PLAC8: variants seen among roughly 807,000 people sequenced by gnomAD.
The protein encoded by PLAC8 is placenta-specific gene 8 protein.
PLAC8 carries 6 observed loss-of-function variants against 12.6 expected under a neutral mutation model. That is an observed-to-expected ratio of 0.48 (90% CI 0.26 to 0.94). PLAC8 has a LOEUF of 0.94. Among genes scored for constraint, PLAC8 ranks in the 40% least tolerant of loss-of-function variants. The probability of loss-of-function intolerance (pLI) is 0.14; values close to 1 mark genes in which losing one functional copy is unlikely to be tolerated. For missense variants in PLAC8, 122 were observed against 152.7 expected (o/e 0.80, Z 1.06); for synonymous variants, 54 against 52.6 (o/e 1.03, Z -0.11).
At chr4:83,112,964 G>T (rs1260279575) in intron 1 of PLAC8, among the ~76,000 whole-genome samples, 2 of 152,190 alleles carry the variant, frequency 1.3e-5, no homozygotes, top group Non-Finnish European at 2.9e-5. Context: ...GGTCCTCAAA[G>T]CTTACTATTA....
chr4:83,102,292 G>A (rs1237259153), intron 3 of PLAC8, among the ~76,000 whole-genome samples: 1 of 152,140 alleles, frequency 6.6e-6, no homozygotes, highest in Non-Finnish European at 1.5e-5. Context: ...AGCACTTAGG[G>A]AGGCCAAGGC....
intron 3 of PLAC8, among the ~76,000 whole-genome samples, chr4:83,101,189 C>T (rs943343427): frequency 1.3e-5 from 2 of 152,190 alleles, no homozygotes; most frequent in East Asian, 3.9e-4. Context: ...ACCATCCTGA[C>T]CAACATGGTG....
In PLAC8 at chr4:83,090,351, A is replaced by C. The variant is rs900167444; in HGVS notation, c.*630T>G. The C allele has an allele frequency of 7.2e-5, 11 of 152,122 alleles. No homozygotes were observed. Among genetic ancestry groups the C allele is most frequent in the African/African-American group, 2.2e-4 (9 of 41,484 alleles). The allele number at this position is 152,122 out of a possible 1,614,324, so 9.4% of individuals were successfully genotyped here. A position where few individuals can be genotyped will look rare whatever the true frequency, so the allele number is the denominator to read the frequency against. On this transcript the variant is annotated 3_prime_UTR_variant, in exon 5 of 5. Coordinates refer to ENST00000311507, the MANE Select transcript of PLAC8 (RefSeq NM_016619.3). Reference sequence around the variant, plus strand: ...GAGACCAGCCTGACCAAGATGGTGAAACCCCGTCTCTACTAAAAATACAAA... The same window carrying C: ...GAGACCAGCCTGACCAAGATGGTGACACCCCGTCTCTACTAAAAATACAAA...
intron 2 of PLAC8, among the ~76,000 whole-genome samples, chr4:83,106,045 C>T (rs9683852): frequency 6.6e-6 from 1 of 151,740 alleles, no homozygotes; most frequent in African/African-American, 2.4e-5. Context: ...TGAGATGCAG[C>T]CTCGAGTGCA....
chr4:83,112,204 GTA>G (rs754066888), intron 1 of PLAC8, among the ~76,000 whole-genome samples: 11 of 128,688 alleles, frequency 8.5e-5, no homozygotes, highest in Non-Finnish European at 1.2e-4. Flanking sequence ...ATATATATAT[GTA>G]TATATATATA....
intron 3 of PLAC8, among the ~76,000 whole-genome samples, chr4:83,103,084 TA>T (rs34047201): frequency 1.1e-3 from 138 of 125,604 alleles, no homozygotes; most frequent in Middle Eastern, 4.9e-3. Flanking sequence ...AGACTCCCTT[TA>T]AAAAAAAAAA....
At chr4:83,102,363 T>A (rs903064386) in intron 3 of PLAC8, among the ~76,000 whole-genome samples, 7 of 151,906 alleles carry the variant, frequency 4.6e-5, no homozygotes, top group African/African-American at 1.7e-4. Context: ...TAAAAACCCA[T>A]CTCTACCAAA....
chr4:83,091,153 G>C lies in PLAC8; in HGVS notation c.*10-182C>G, dbSNP rs1034777289. Reference sequence around the variant, plus strand: ...CATCTTACATTACCATGGGAGGTTTGTCAAAACTAATGAACCCATACTGAT... The same window carrying C: ...CATCTTACATTACCATGGGAGGTTTCTCAAAACTAATGAACCCATACTGAT... On this transcript the variant is annotated intron_variant, in intron 4 of 4. Transcript: ENST00000311507. 2.0e-5 allele frequency among the ~76,000 whole-genome samples: 3 copies of C among 152,264 alleles called. No homozygotes were observed. The East Asian group carries it at 5.8e-4, about 29-fold the overall frequency.
chr4:83,102,312 A>G (rs1367327312), intron 3 of PLAC8, among the ~76,000 whole-genome samples: 1 of 152,128 alleles, frequency 6.6e-6, no homozygotes, highest in Non-Finnish European at 1.5e-5. Context: ...CAGGCGGATC[A>G]CTTGAGGTCA....
Position 83,099,318 on chromosome 4 carries a change from T to C in PLAC8, c.244-4527A>G, listed in dbSNP as rs184470237. ...AATCTTGGCTCACTGCATTTACAAATTGAAGGTTTGTGGCAACCCTGCATC... is the reference window on the plus strand; with the variant it reads ...AATCTTGGCTCACTGCATTTACAAACTGAAGGTTTGTGGCAACCCTGCATC... On this transcript the variant is annotated intron_variant, in intron 3 of 4. Coordinates refer to ENST00000311507, the MANE Select transcript of PLAC8 (RefSeq NM_016619.3). 3.9e-5 allele frequency among the ~76,000 whole-genome samples: 6 copies of C among 152,182 alleles called. No homozygotes were observed. The East Asian group carries it at 7.7e-4, about 20-fold the overall frequency.
intron 2 of PLAC8, among the ~76,000 whole-genome samples, chr4:83,105,943 T>TA (rs1341320217): frequency 6.6e-6 from 1 of 152,202 alleles, no homozygotes; most frequent in Non-Finnish European, 1.5e-5. Context: ...ATTGTTTCAT[T>TA]CCCTAGGTAA....
chr4:83,105,117 G>A (rs1560455619), intron 2 of PLAC8, 97 bp from the exon 3 acceptor site: 17 of 1,401,510 alleles, frequency 1.2e-5, no homozygotes, highest in Non-Finnish European at 1.7e-5. Context: ...CGAGTCATGG[G>A]GCCTTGGCCG....
In PLAC8 at chr4:83,090,534, A is replaced by AAG. The variant is rs1428608828; in HGVS notation, c.*446_*447insCT. The AAG allele has an allele frequency of 6.7e-6, 1 of 148,290 alleles. No homozygotes were observed. The highest frequency in any genetic ancestry group is 1.5e-5 in the Non-Finnish European group (1 of 67,250). The allele number at this position is 148,290 out of a possible 1,614,324, so 9.2% of individuals were successfully genotyped here. A position where few individuals can be genotyped will look rare whatever the true frequency, so the allele number is the denominator to read the frequency against. ...CAGAGCGAGACTCTATCTCAAAAAA[A>AAG]AAAAAAAAAAAAGAAAGAAAGATCC... On this transcript the variant is annotated 3_prime_UTR_variant, in exon 5 of 5. Coordinates refer to ENST00000311507, the MANE Select transcript of PLAC8 (RefSeq NM_016619.3).
At chr4:83,107,767 G>A (rs771177757) in intron 2 of PLAC8, 37 bp downstream of exon 2, 2 of 1,260,046 alleles carry the variant, frequency 1.6e-6, no homozygotes, top group East Asian at 5.2e-5. Flanking sequence ...AATTCACCTC[G>A]GTATCAAATA....
chr4:83,113,143 C>T (rs894907810), intron 1 of PLAC8, among the ~76,000 whole-genome samples: 3 of 152,202 alleles, frequency 2.0e-5, no homozygotes, highest in Admixed American at 6.5e-5. Context: ...AAGTCTGTAA[C>T]GTGCACCCGC....
At chr4:83,113,608 A>G (rs1007347132) in intron 1 of PLAC8, among the ~76,000 whole-genome samples, 1 of 152,158 alleles carries the variant, frequency 6.6e-6, no homozygotes, top group African/African-American at 2.4e-5. Flanking sequence ...TGGTGTGACC[A>G]CACAGCTGTT....
chr4:83,109,525 T>G (rs1378851134), intron 1 of PLAC8, among the ~76,000 whole-genome samples: 1 of 152,114 alleles, frequency 6.6e-6, no homozygotes, highest in Non-Finnish European at 1.5e-5. Context: ...GATGTGTACG[T>G]GGCGGTGGAG....
chr4:83,113,152 G>T (rs546080851), intron 1 of PLAC8, among the ~76,000 whole-genome samples: 4 of 152,216 alleles, frequency 2.6e-5, no homozygotes, highest in African/African-American at 7.2e-5. Context: ...ACGTGCACCC[G>T]CAGGGCTGCT....
At position 83,090,277 on chromosome 4, in the gene PLAC8, C is replaced by G. The variant is rs1357713794; in HGVS notation, c.*704G>C. ...GGACGCGGTGGCTCATGCCTGTAAT[C>G]CCAGCATTTTGTGATGCCGAGGCAG... is the stretch of plus-strand genomic sequence containing the variant. On this transcript the variant is annotated 3_prime_UTR_variant, in exon 5 of 5. Coordinates refer to ENST00000311507, the MANE Select transcript of PLAC8 (RefSeq NM_016619.3). 6.6e-6 allele frequency: 1 copy of G among 151,798 alleles called. No individual in the cohort carries two copies. Among genetic ancestry groups the G allele is most frequent in the East Asian group, 1.9e-4 (1 of 5,174 alleles). The allele number at this position is 151,798 out of a possible 1,614,324, so 9.4% of individuals were successfully genotyped here.
Sources: gnomAD v4.1 joint callset for allele counts (sites outside exome capture counted in the v4.1 genomes callset) on GRCh38, gnomAD v4.1.1 for gene constraint, MANE v1.5 for transcripts, NCBI Gene and HGNC (gene_info 2026-07-23, HGNC 2026-07-21) for gene names.